The following SUMF1 variants were observed in gnomAD, a reference collection of about 807,000 sequenced individuals.
SUMF1 encodes the protein sulfatase modifying factor 1.
In SUMF1, 48 loss-of-function variants were observed where a neutral mutation model predicts 47.6. The ratio of observed to expected loss-of-function variants is 1.01; its 90% CI spans 0.80 to 1.28. The LOEUF (loss-of-function observed/expected upper bound fraction) is 1.28. Ranked by LOEUF, SUMF1 falls within the 50% of genes most tolerant of loss-of-function variation. SUMF1 has a pLI of 0.00. For synonymous variants in SUMF1, 230 were observed against 192.1 expected (o/e 1.20, Z -1.63); for missense variants, 571 against 485.4 (o/e 1.18, Z -1.66).
intron 9 of SUMF1, among the ~76,000 whole-genome samples, chr3:4,057,750 T>G (rs1037367411): frequency 6.6e-6 from 1 of 152,160 alleles, no homozygotes; most frequent in African/African-American, 2.4e-5. Flanking sequence ...GGTGGAAAGT[T>G]GCAGGTAGGT....
chr3:4,101,954 GA>G (rs1693043032), intron 8 of SUMF1, among the ~76,000 whole-genome samples: 1 of 152,140 alleles, frequency 6.6e-6, no homozygotes, highest in African/African-American at 2.4e-5. Flanking sequence ...CCTGTTCACA[GA>G]GTGGCAGAAG....
chr3:4,280,646 A>G (rs1475949236), intron 8 of SUMF1, among the ~76,000 whole-genome samples: 1 of 152,160 alleles, frequency 6.6e-6, no homozygotes, highest in African/African-American at 2.4e-5. Context: ...AACAACAGAA[A>G]TTTACCGTCT....
At chr3:4,261,001 A>G (rs77281165) in intron 8 of SUMF1, among the ~76,000 whole-genome samples, 5 of 152,148 alleles carry the variant, frequency 3.3e-5, no homozygotes, top group Non-Finnish European at 7.4e-5. Context: ...TAGAACCATA[A>G]AAGTTTTTGT....
At chr3:4,096,002 C>G (rs1692894699) in intron 8 of SUMF1, among the ~76,000 whole-genome samples, 1 of 152,074 alleles carries the variant, frequency 6.6e-6, no homozygotes, top group African/African-American at 2.4e-5. Context: ...CTACTAAGCA[C>G]TTAACTGTAT....
intron 8 of SUMF1, among the ~76,000 whole-genome samples, chr3:4,372,923 A>C (rs1364064927): frequency 6.6e-6 from 1 of 152,212 alleles, no homozygotes. Flanking sequence ...CAACCTAATA[A>C]ACAATTCATT....
rs62258092 is a variant in SUMF1 at position 4,232,285 on chromosome 3, C to T, written c.1014+144045G>A. ...CAAGATGAGGGAAAGACAGCAAGCA[C>T]GTTGTTGCCAGAACAGTCAAACCAA... On this transcript the variant is annotated intron_variant and NMD_transcript_variant, in intron 8 of 12. Transcript: ENST00000448413. Among the ~76,000 whole-genome samples the T allele has an allele frequency of 3.8e-3, 582 of 152,222 alleles. 1 individual carries two copies. Among genetic ancestry groups the T allele is most frequent in the Non-Finnish European group, 6.3e-3 (425 of 67,980 alleles).
intron 9 of SUMF1, among the ~76,000 whole-genome samples, chr3:4,053,586 A>T (rs1389922375): frequency 6.6e-6 from 1 of 152,102 alleles, no homozygotes; most frequent in African/African-American, 2.4e-5. Context: ...TATGCAACAC[A>T]ATTTAGAAGG....
intron 8 of SUMF1, among the ~76,000 whole-genome samples, chr3:4,127,403 T>C (rs1303083615): frequency 2.0e-5 from 3 of 152,092 alleles, no homozygotes. Flanking sequence ...AGTCAGTGGG[T>C]TGAGAAAGGC....
chr3:4,105,394 T>C lies in SUMF1; in HGVS notation c.1015-36649A>G, dbSNP rs572689742. 2.0e-5 allele frequency among the ~76,000 whole-genome samples: 3 copies of C among 152,228 alleles called. No individual in the cohort carries two copies. In the South Asian group the frequency reaches 6.2e-4, roughly 32 times the overall value. Reference sequence around the variant, plus strand: ...ATTTTCCTCAATTACAAAACTTAAGTTTTCTGCAGTGAGCCTGACTAACAC... The same window carrying C: ...ATTTTCCTCAATTACAAAACTTAAGCTTTCTGCAGTGAGCCTGACTAACAC... On this transcript the variant is annotated intron_variant and NMD_transcript_variant, in intron 8 of 12. Transcript: ENST00000448413.
intron 8 of SUMF1, among the ~76,000 whole-genome samples, chr3:4,250,510 T>C (rs746882229): frequency 6.6e-6 from 1 of 151,818 alleles, no homozygotes; most frequent in Non-Finnish European, 1.5e-5. Context: ...GTAGCGACAC[T>C]GAACAACAGA....
chr3:4,384,047 G>C (rs945514877), intron 7 of SUMF1, among the ~76,000 whole-genome samples: 5 of 142,792 alleles, frequency 3.5e-5, no homozygotes, highest in Admixed American at 7.0e-5. Context: ...AAGGAATGAA[G>C]TGAAAAAATA....
At chr3:4,385,130 C>G (rs1012275693) in intron 7 of SUMF1, among the ~76,000 whole-genome samples, 2 of 152,146 alleles carry the variant, frequency 1.3e-5, no homozygotes, top group African/African-American at 4.8e-5. Flanking sequence ...ATGAGATCAG[C>G]CTGCCTTTGC....
In SUMF1 at chr3:4,083,452, C is replaced by G. The variant is rs142421784; in HGVS notation, c.1015-14707G>C. ...ATGAGGATGTGTCAGCAAACCAGAG[C>G]TCATCACCAGGGTGCCTATCGGCTG... On this transcript the variant is annotated intron_variant and NMD_transcript_variant, in intron 8 of 12. Transcript: ENST00000448413. 1.2e-3 allele frequency among the ~76,000 whole-genome samples: 182 copies of G among 152,184 alleles called. 1 individual carries two copies. Among genetic ancestry groups the G allele is most frequent in the Admixed American group, 6.6e-3 (101 of 15,290 alleles).
Position 4,046,178 on chromosome 3 carries a change from G to A in SUMF1, c.1191+22391C>T, listed in dbSNP as rs1391915. ...TAGCTCAGGTCTTACCTAAATGTGG[G>A]CTGGCTCAGCTCCCAAGTGGCTGAG... On this transcript the variant is annotated intron_variant and NMD_transcript_variant, in intron 9 of 12. Coordinates refer to the SUMF1 transcript ENST00000448413. Among the ~76,000 whole-genome samples the A allele has an allele frequency of 9.9e-3, 1,512 of 152,262 alleles. 26 individuals are homozygous for A. The highest frequency in any genetic ancestry group is 0.035 in the African/African-American group (1,454 of 41,524).
At chr3:4,191,528 G>A (rs550856909) in intron 8 of SUMF1, among the ~76,000 whole-genome samples, 2 of 152,208 alleles carry the variant, frequency 1.3e-5, no homozygotes, top group East Asian at 3.9e-4. Context: ...TTTATATATT[G>A]AAAGGATAAT....
chr3:4,334,560 A>G (rs530929845), intron 8 of SUMF1, among the ~76,000 whole-genome samples: 8 of 152,348 alleles, frequency 5.3e-5, no homozygotes, highest in African/African-American at 1.9e-4. Context: ...AAGGCTCAAA[A>G]GCCTTGTGTG....
intron 8 of SUMF1, among the ~76,000 whole-genome samples, chr3:4,288,132 C>T (rs1575054945): frequency 6.6e-6 from 1 of 152,110 alleles, no homozygotes; most frequent in African/African-American, 2.4e-5. Context: ...CAGACAACAC[C>T]TAGGGAAGGT....
chr3:4,318,072 C>T (rs182479361), intron 8 of SUMF1, among the ~76,000 whole-genome samples: 22 of 151,804 alleles, frequency 1.4e-4, no homozygotes, highest in Middle Eastern at 3.4e-3. Flanking sequence ...CACACACACA[C>T]GAGTTAAAGA....
intron 8 of SUMF1, among the ~76,000 whole-genome samples, chr3:4,334,365 A>G (rs1457839642): frequency 6.6e-6 from 1 of 152,232 alleles, no homozygotes; most frequent in Non-Finnish European, 1.5e-5. Context: ...AACCAAGGTT[A>G]TAACAACCAC....
Sources: allele counts gnomAD v4.1 joint callset (sites outside exome capture counted in the v4.1 genomes callset), GRCh38; gene constraint gnomAD v4.1.1; transcripts MANE v1.5; gene names NCBI Gene and HGNC (gene_info 2026-07-23, HGNC 2026-07-21).